The following TENM2 variants were observed in gnomAD, a reference collection of about 807,000 sequenced individuals.
TENM2 encodes teneurin transmembrane protein 2.
Under a neutral mutation model 245.2 loss-of-function variants are expected in TENM2, and 52 were observed. The ratio of observed to expected loss-of-function variants is 0.21; its 90% confidence interval spans 0.17 to 0.27. TENM2 has a LOEUF of 0.27. Ranked by LOEUF, TENM2 falls within the 10% of genes least tolerant of loss-of-function variation. The probability of loss-of-function intolerance (pLI) is 1.00; values close to 1 mark genes in which losing one functional copy is unlikely to be tolerated. For synonymous variants in TENM2, 1,363 were observed against 1,438.9 expected (o/e 0.95, Z 1.19); for missense variants, 3,046 against 3,666.8 (o/e 0.83, Z 4.37).
intron 3 of TENM2, among the ~76,000 whole-genome samples, chr5:167,907,681 T>C (rs1776220798): frequency 6.7e-6 from 1 of 149,722 alleles, no homozygotes; most frequent in Admixed American, 6.7e-5. Context: ...GGCAGGAGGA[T>C]TGCTTGAGGC....
At chr5:167,282,754 A>G (rs1239014552), upstream of TENM2, among the ~76,000 whole-genome samples, 1 of 152,178 alleles carries the variant, frequency 6.6e-6, no homozygotes, top group Non-Finnish European at 1.5e-5. Context: ...TAACCTACAG[A>G]TTCCAAAATG....
Position 168,109,599 on chromosome 5 carries a change from A to G in TENM2, c.1814-8693A>G, listed in dbSNP as rs552098998. On this transcript the variant is annotated intron_variant, in intron 9 of 28. Transcript: ENST00000518659. Reference sequence around the variant, plus strand: ...CTCCACCCGGAATTTCTGATTCAGTAGGTCTGGGGTACTAGCATCAGGATT... The same window carrying G: ...CTCCACCCGGAATTTCTGATTCAGTGGGTCTGGGGTACTAGCATCAGGATT... 5.9e-5 allele frequency among the ~76,000 whole-genome samples: 9 copies of G among 152,336 alleles called. 1 individual carries two copies. Among genetic ancestry groups the G allele is most frequent in the African/African-American group, 2.2e-4 (9 of 41,570 alleles).
intron 2 of TENM2, among the ~76,000 whole-genome samples, chr5:167,859,562 G>A (rs1302341949): frequency 1.6e-4 from 18 of 112,390 alleles, no homozygotes; most frequent in African/African-American, 5.8e-4. Context: ...GAGGTGGGGG[G>A]GTCAGCCCCC....
At chr5:167,532,824 G>GTA (rs1470026065) in intron 2 of TENM2, among the ~76,000 whole-genome samples, 15 of 96,690 alleles carry the variant, frequency 1.6e-4, no homozygotes, top group Admixed American at 5.6e-4. Context: ...GTGTGTGTGT[G>GTA]TGTATATATA....
chr5:167,000,041 G>A, the TENM2 span, among the ~76,000 whole-genome samples: 1 of 152,124 alleles, frequency 6.6e-6, no homozygotes, highest in African/African-American at 2.4e-5. Context: ...GAAGAAGCAG[G>A]ACGCTGTGAT....
chr5:167,366,063 G>A (rs1485379347), intron 1 of TENM2, among the ~76,000 whole-genome samples: 2 of 150,784 alleles, frequency 1.3e-5, no homozygotes, highest in African/African-American at 4.9e-5. Flanking sequence ...TACACAGACA[G>A]TAGGTAGAGT....
intron 22 of TENM2, among the ~76,000 whole-genome samples, chr5:168,217,145 GT>G (rs1763269608): frequency 6.6e-6 from 1 of 151,738 alleles, no homozygotes; most frequent in African/African-American, 2.4e-5. Context: ...AGGGAAAACT[GT>G]TGAGAAAAGT....
intron 4 of TENM2, among the ~76,000 whole-genome samples, chr5:167,986,151 A>C (rs912254202): frequency 4.6e-5 from 7 of 152,234 alleles, no homozygotes; most frequent in Non-Finnish European, 7.3e-5. Context: ...AGCCTGGTTA[A>C]CCAAGATTCT....
intron 5 of TENM2, among the ~76,000 whole-genome samples, chr5:168,020,078 G>GGCCA: frequency 6.6e-6 from 1 of 152,270 alleles, no homozygotes; most frequent in Admixed American, 6.5e-5. Context: ...TGCTTAGAGG[G>GGCCA]GCCAGGGTTT....
chr5:168,115,680 GT>G (rs1292534691), intron 9 of TENM2, among the ~76,000 whole-genome samples: 3 of 152,146 alleles, frequency 2.0e-5, no homozygotes, highest in South Asian at 4.1e-4. Context: ...ACTTCTCGCT[GT>G]TTTTTATTTC....
At chr5:167,884,108 C>T (rs1453812378) in intron 3 of TENM2, among the ~76,000 whole-genome samples, 1 of 152,174 alleles carries the variant, frequency 6.6e-6, no homozygotes, top group Non-Finnish European at 1.5e-5. Context: ...TAAGTGTCTA[C>T]AAGTCCTAAA....
intron 13 of TENM2, among the ~76,000 whole-genome samples, chr5:168,179,134 GAAAAAAAAAAAA>G (rs35502066): frequency 3.0e-5 from 3 of 99,952 alleles, no homozygotes; most frequent in South Asian, 3.6e-4. Context: ...GACTCTGCCT[GAAAAAAAAAAAA>G]AAAAAAAAAA....
At chr5:167,558,137 G>A (rs540090090) in intron 2 of TENM2, among the ~76,000 whole-genome samples, 1 of 152,260 alleles carries the variant, frequency 6.6e-6, no homozygotes, top group African/African-American at 2.4e-5. Context: ...GACACTGTCT[G>A]GAGTGTGGCA....
At chr5:167,054,463 T>C in the TENM2 span, among the ~76,000 whole-genome samples, 1 of 152,186 alleles carries the variant, frequency 6.6e-6, no homozygotes, top group East Asian at 1.9e-4. Context: ...CTTCCAAGTT[T>C]TGGCAATTGA....
At position 168,144,048 on chromosome 5, in the gene TENM2, A is replaced by G. The variant is rs566176084; in HGVS notation, c.2422+17082A>G. ...TTTTTTTTGTATTTTTAGTAGGGAC[A>G]GAGTTTCGCCATGTTGGTCTGGCTG... On this transcript the variant is annotated intron_variant, in intron 12 of 28. Coordinates refer to ENST00000518659, the Ensembl canonical transcript of TENM2. 3.4e-3 allele frequency among the ~76,000 whole-genome samples: 518 copies of G among 150,856 alleles called. 3 individuals are homozygous for G. The highest frequency in any genetic ancestry group is 6.1e-3 in the Non-Finnish European group (411 of 67,728).
the TENM2 span, among the ~76,000 whole-genome samples, chr5:167,066,458 G>A: frequency 2.6e-5 from 4 of 151,826 alleles, no homozygotes; most frequent in African/African-American, 9.7e-5. Flanking sequence ...GTATACATGT[G>A]CCATGTTGGT....
intron 7 of TENM2, among the ~76,000 whole-genome samples, chr5:168,084,000 T>C (rs944772339): frequency 2.6e-5 from 4 of 152,236 alleles, no homozygotes; most frequent in African/African-American, 7.2e-5. Context: ...CTCCCACTTA[T>C]AAGTGAGAAC....
At chr5:167,703,823 A>T (rs1186702691) in intron 2 of TENM2, among the ~76,000 whole-genome samples, 4 of 152,146 alleles carry the variant, frequency 2.6e-5, no homozygotes, top group African/African-American at 9.7e-5. Context: ...TGCTAGGCTG[A>T]TAGAAGAAAG....
the TENM2 span, among the ~76,000 whole-genome samples, chr5:166,993,046 T>TG: frequency 4.6e-5 from 7 of 151,994 alleles, no homozygotes; most frequent in African/African-American, 1.7e-4. Context: ...CACTCCTGCT[T>TG]GCATTTCTTA....
Sources: gnomAD v4.1 joint callset for allele counts (sites outside exome capture counted in the v4.1 genomes callset) on GRCh38, gnomAD v4.1.1 for gene constraint, MANE v1.5 for transcripts, NCBI Gene and HGNC (gene_info 2026-07-23, HGNC 2026-07-21) for gene names.